The following SLC28A1 variants were observed in gnomAD, a reference collection of about 807,000 sequenced individuals.
SLC28A1 encodes the protein solute carrier family 28 member 1.
Under a neutral mutation model 74.8 loss-of-function variants are expected in SLC28A1, and 64 were observed. The ratio of observed to expected loss-of-function variants is 0.86; its 90% confidence interval spans 0.70 to 1.05. The LOEUF is 1.05. SLC28A1 is among the 50% of genes least tolerant of loss of function. SLC28A1 has a pLI of 0.00. For synonymous variants in SLC28A1, 359 were observed against 335.0 expected, an observed-to-expected ratio of 1.07 and a Z score of -0.78; for missense variants, 828 against 822.8, an observed-to-expected ratio of 1.01 and a Z score of -0.08.
intron 1 of SLC28A1, 111 bp from the exon 2 acceptor site, chr15:84,886,561 C>T (rs1964626161): frequency 1.0e-6 from 1 of 985,564 alleles, no homozygotes; most frequent in Non-Finnish European, 1.2e-6. Context: ...CTTCCTGTAT[C>T]CCTGAGACCG....
In SLC28A1 at chr15:84,906,556, CTTTCTTTCTCTTTCTT is replaced by C. The variant is rs1567140331; in HGVS notation, c.717+906_717+921del. 7.9e-3 allele frequency among the ~76,000 whole-genome samples: 703 copies of C among 89,196 alleles called. 12 individuals are homozygous for C. The highest frequency in any genetic ancestry group is 0.027 in the African/African-American group (666 of 24,504). The allele number at this position is 89,196 out of a possible 152,430, so 58.5% of individuals were successfully genotyped here. ...TCTTTCTTTCTTTCTTTCTTTCTTTCTTTCTTTCTCTTTCTTTCTTCCTTCCTTCCTTCCTTCCTTC... is the reference window on the plus strand; with the variant it reads ...TCTTTCTTTCTTTCTTTCTTTCTTTCTCTTCCTTCCTTCCTTCCTTCCTTC... On this transcript the variant is annotated intron_variant, in intron 8 of 18. Coordinates refer to ENST00000394573, the MANE Select transcript of SLC28A1 (RefSeq NM_004213.5).
chr15:84,889,743 TCCTTCCTTCCTTCC>T (rs1965120840), intron 4 of SLC28A1, among the ~76,000 whole-genome samples: 1 of 142,714 alleles, frequency 7.0e-6, no homozygotes, highest in African/African-American at 2.7e-5. Context: ...CTTCCTTCCT[TCCTTCCTTCCTTCC>T]TTCCTTCCTT....
the SLC28A1 span, among the ~76,000 whole-genome samples, chr15:84,951,616 A>G: frequency 6.6e-6 from 1 of 152,064 alleles, no homozygotes. Flanking sequence ...GGCAAGAAGG[A>G]GCAGATTTGC....
chr15:84,965,455 C>A, the SLC28A1 span, among the ~76,000 whole-genome samples: 2 of 152,190 alleles, frequency 1.3e-5, no homozygotes, highest in South Asian at 4.1e-4. Context: ...TGGATTTAGG[C>A]TGGAGACTGC....
chr15:84,937,568 G>T (rs4843008), intron 15 of SLC28A1, among the ~76,000 whole-genome samples: 137,497 of 152,252 alleles, frequency 0.9, 62,325 homozygotes, highest in African/African-American at 0.98. Flanking sequence ...TTTTAATTAT[G>T]TTTTAAATTG....
At chr15:84,960,598 C>T in the SLC28A1 span, among the ~76,000 whole-genome samples, 5 of 152,176 alleles carry the variant, frequency 3.3e-5, no homozygotes, top group African/African-American at 1.2e-4. Context: ...TAGGATAAAA[C>T]TCCAGTTTCC....
chr15:84,924,029 ACT>A lies in SLC28A1; in HGVS notation c.1007_1008del (p.Ser336Ter), dbSNP rs751312931. On this transcript the variant is annotated frameshift_variant, in exon 12 of 19. Coordinates refer to ENST00000394573, the MANE Select transcript of SLC28A1 (RefSeq NM_004213.5). LOFTEE classifies it high-confidence loss of function. ...LIRPYLADMT[L>X]SEVHVVMTGG... is the part of the protein sequence containing the mutation. Reference sequence around the variant, plus strand: ...TCCGGCCCTACTTGGCAGACATGACACTCTCTGAAGTCCACGTTGTCATGACC... The same window carrying A: ...TCCGGCCCTACTTGGCAGACATGACACTCTGAAGTCCACGTTGTCATGACC... The A allele has an allele frequency of 4.3e-6, 7 of 1,613,460 alleles. No homozygotes were observed. The Admixed American group carries it at 1.0e-4, about 23-fold the overall frequency.
the SLC28A1 span, among the ~76,000 whole-genome samples, chr15:84,956,014 G>T: frequency 1.3e-4 from 20 of 152,166 alleles, no homozygotes; most frequent in Admixed American, 8.5e-4. Context: ...AAGTCAAATG[G>T]TACCATAGTT....
downstream of SLC28A1, among the ~76,000 whole-genome samples, chr15:84,946,122 T>A (rs1357792943): frequency 5.1e-4 from 36 of 71,176 alleles, no homozygotes; most frequent in African/African-American, 1.7e-3. Context: ...ATTTTTTTTT[T>A]TTTTTTTTTT....
At chr15:84,888,639 T>A in intron 3 of SLC28A1, 133 bp from the exon 4 acceptor site, 1 of 689,996 alleles carries the variant, frequency 1.4e-6, no homozygotes, top group Non-Finnish European at 2.7e-6. Context: ...TTTAGTAGCC[T>A]TCTAATTCCT....
downstream of SLC28A1, among the ~76,000 whole-genome samples, chr15:84,947,654 A>G (rs550029085): frequency 6.6e-6 from 1 of 152,352 alleles, no homozygotes; most frequent in African/African-American, 2.4e-5. Context: ...AGTTTCTCAT[A>G]GGTGGCACCT....
At chr15:84,884,819 C>T (rs953598211) in intron 1 of SLC28A1, 68 bp downstream of exon 1, 1 of 818,060 alleles carries the variant, frequency 1.2e-6, no homozygotes, top group Non-Finnish European at 1.5e-6. Flanking sequence ...GGGGGTAGCA[C>T]AGGGCAAAGT....
At chr15:84,947,145 C>T (rs1176897950), downstream of SLC28A1, among the ~76,000 whole-genome samples, 1 of 152,244 alleles carries the variant, frequency 6.6e-6, no homozygotes, top group Non-Finnish European at 1.5e-5. Context: ...TCCCCATCCT[C>T]AGGGCCTGTG....
chr15:84,894,099 C>A (rs1034740090), intron 5 of SLC28A1, among the ~76,000 whole-genome samples: 1 of 152,126 alleles, frequency 6.6e-6, no homozygotes, highest in Non-Finnish European at 1.5e-5. Flanking sequence ...AGGCCGGGCG[C>A]GGTGGCTTAC....
At chr15:84,973,583 C>G in the SLC28A1 span, among the ~76,000 whole-genome samples, 15 of 152,296 alleles carry the variant, frequency 9.8e-5, no homozygotes, top group East Asian at 2.9e-3. Flanking sequence ...TCATGTCTTA[C>G]TCAGTTCAGG....
rs1970774115 is a variant in SLC28A1, at chr15:84,928,523, GTTCGTTCTTTCTTTCT to G, written c.1083+4417_1083+4432del. ...CCCTTTCCTTCAAGCTCCCAGGTTC[GTTCGTTCTTTCTTTCT>G]TTCTTTCTTTCTTTCTTTCTTTCTT... is the stretch of plus-strand genomic sequence containing the variant. On this transcript the variant is annotated intron_variant, in intron 12 of 18. Transcript: ENST00000394573. Among the ~76,000 whole-genome samples, 9 of 39,802 alleles carry G rather than the reference GTTCGTTCTTTCTTTCT, an allele frequency of 2.3e-4. 3 individuals are homozygous for G. Among genetic ancestry groups the G allele is most frequent in the East Asian group, 1.8e-3 (2 of 1,124 alleles). 26.1% of individuals were successfully genotyped at this position (39,802 alleles called of 152,430 possible). A position where few individuals can be genotyped will look rare whatever the true frequency, so the allele number is the denominator to read the frequency against.
chr15:84,889,862 T>C (rs1295417936), intron 4 of SLC28A1, among the ~76,000 whole-genome samples: 2 of 142,410 alleles, frequency 1.4e-5, no homozygotes, highest in Admixed American at 7.1e-5. Context: ...CCTTTCTCTC[T>C]TTTTTTTTTT....
At chr15:84,960,228 C>CTTTTTTTTTT in the SLC28A1 span, among the ~76,000 whole-genome samples, 18 of 85,588 alleles carry the variant, frequency 2.1e-4, 3 homozygotes, top group East Asian at 1.1e-3. Context: ...TGCCTGCCTG[C>CTTTTTTTTTT]TTTTTTTTTT....
the SLC28A1 span, among the ~76,000 whole-genome samples, chr15:84,964,441 C>T: frequency 6.6e-6 from 1 of 152,234 alleles, no homozygotes; most frequent in Non-Finnish European, 1.5e-5. Flanking sequence ...CTTCCTCTCA[C>T]TCAGTAGGAG....
Sources: gnomAD v4.1 joint callset for allele counts (sites outside exome capture counted in the v4.1 genomes callset) on GRCh38, gnomAD v4.1.1 for gene constraint, MANE v1.5 for transcripts, NCBI Gene and HGNC (gene_info 2026-07-23, HGNC 2026-07-21) for gene names.